THSD7A: variants seen among roughly 807,000 people sequenced by gnomAD.
THSD7A encodes the protein thrombospondin type 1 domain containing 7A.
In THSD7A, 96 loss-of-function variants were observed where a neutral mutation model predicts 231.3. The ratio of observed to expected loss-of-function variants is 0.41; its 90% CI spans 0.35 to 0.49. The LOEUF (loss-of-function observed/expected upper bound fraction) is 0.49, where lower values mean the gene tolerates loss of function less well. Among genes scored for constraint, THSD7A ranks in the 20% least tolerant of loss-of-function variants. The pLI, the probability that THSD7A is intolerant of heterozygous loss-of-function variation, is 0.05. For synonymous variants in THSD7A, 940 were observed against 743.3 expected, an observed-to-expected ratio of 1.26 and a Z score of -4.30; for missense variants, 2,290 against 2,070.2, an observed-to-expected ratio of 1.11 and a Z score of -2.06.
intron 2 of THSD7A, among the ~76,000 whole-genome samples, chr7:11,620,004 C>T (rs963264494): frequency 1.3e-5 from 2 of 152,118 alleles, no homozygotes; most frequent in African/African-American, 2.4e-5. Context: ...ATCTAGTCTA[C>T]TTCTCTCAGA....
intron 1 of THSD7A, among the ~76,000 whole-genome samples, chr7:11,765,839 A>G (rs1783013802): frequency 6.6e-6 from 1 of 152,218 alleles, no homozygotes; most frequent in Non-Finnish European, 1.5e-5. Flanking sequence ...AATAAATCCA[A>G]TTTTCCTTAA....
intron 2 of THSD7A, among the ~76,000 whole-genome samples, chr7:11,606,244 T>C (rs766100488): frequency 5.9e-5 from 9 of 152,164 alleles, no homozygotes; most frequent in Admixed American, 3.9e-4. Context: ...AATTCTACTT[T>C]GAGTGGCATG....
chr7:11,824,312 A>T (rs1375268328), intron 1 of THSD7A, among the ~76,000 whole-genome samples: 1 of 152,074 alleles, frequency 6.6e-6, no homozygotes. Flanking sequence ...CTTCACAAAG[A>T]AACTCCACTA....
At chr7:11,567,185 G>T (rs1209335600) in intron 4 of THSD7A, among the ~76,000 whole-genome samples, 1 of 152,014 alleles carries the variant, frequency 6.6e-6, no homozygotes, top group Non-Finnish European at 1.5e-5. Context: ...AGGTTTAATT[G>T]ACTCACAGTT....
chr7:11,721,515 C>T (rs116743605), intron 1 of THSD7A, among the ~76,000 whole-genome samples: 1,612 of 144,098 alleles, frequency 0.011, 22 homozygotes, highest in African/African-American at 0.037. Flanking sequence ...ATACAGCCTA[C>T]GGAACTGTGA....
intron 2 of THSD7A, among the ~76,000 whole-genome samples, chr7:11,622,552 G>A (rs764917847): frequency 6.6e-6 from 1 of 152,180 alleles, no homozygotes; most frequent in South Asian, 2.1e-4. Flanking sequence ...TGATGCTGGT[G>A]TTATGTCATA....
intron 2 of THSD7A, among the ~76,000 whole-genome samples, chr7:11,605,111 G>T (rs1342183046): frequency 1.3e-5 from 2 of 151,936 alleles, no homozygotes; most frequent in African/African-American, 4.8e-5. Flanking sequence ...TGTAAATCAT[G>T]TTTGAAAATG....
At chr7:11,652,336 T>G (rs1237837721) in intron 1 of THSD7A, among the ~76,000 whole-genome samples, 1 of 151,928 alleles carries the variant, frequency 6.6e-6, no homozygotes, top group Non-Finnish European at 1.5e-5. Context: ...AAGAATAAAT[T>G]TGGTTTTTGA....
chr7:11,684,281 T>C (rs1779946789), intron 1 of THSD7A, among the ~76,000 whole-genome samples: 1 of 151,746 alleles, frequency 6.6e-6, no homozygotes. Context: ...AATACCATAC[T>C]GAACAGGCAA....
intron 2 of THSD7A, 151 bp downstream of exon 2, chr7:11,635,979 C>G (rs1766947689): frequency 1.6e-6 from 1 of 643,834 alleles, no homozygotes; most frequent in South Asian, 2.7e-5. Context: ...CCGAGAAACT[C>G]ACACAAGCTC....
At chr7:11,593,144 A>T in intron 3 of THSD7A, 110 bp downstream of exon 3, 3 of 1,406,976 alleles carry the variant, frequency 2.1e-6, no homozygotes, top group Non-Finnish European at 2.8e-6. Context: ...GTTTGTAAAG[A>T]TATTTTTTAT....
At chr7:11,618,068 T>C (rs1781170054) in intron 2 of THSD7A, among the ~76,000 whole-genome samples, 1 of 152,228 alleles carries the variant, frequency 6.6e-6, no homozygotes, top group African/African-American at 2.4e-5. Flanking sequence ...TTTGACCCAG[T>C]AATTCCCACA....
At chr7:11,610,252 G>C (rs1171633917) in intron 2 of THSD7A, among the ~76,000 whole-genome samples, 1 of 152,044 alleles carries the variant, frequency 6.6e-6, no homozygotes, top group Non-Finnish European at 1.5e-5. Flanking sequence ...ATTTTTGCAT[G>C]TGTAATGCTA....
chr7:11,524,360 C>A (rs1488273293), intron 6 of THSD7A, among the ~76,000 whole-genome samples: 2 of 152,108 alleles, frequency 1.3e-5, no homozygotes, highest in African/African-American at 4.8e-5. Context: ...GCTAGTACAA[C>A]AGAGCTTGGT....
At chr7:11,709,127 C>T (rs1780864886) in intron 1 of THSD7A, among the ~76,000 whole-genome samples, 1 of 150,780 alleles carries the variant, frequency 6.6e-6, no homozygotes, top group African/African-American at 2.4e-5. Flanking sequence ...AAGCTATGAA[C>T]AAGACAAGGC....
intron 6 of THSD7A, among the ~76,000 whole-genome samples, chr7:11,482,516 A>G (rs1176867273): frequency 3.3e-5 from 5 of 152,216 alleles, no homozygotes; most frequent in African/African-American, 1.2e-4. Flanking sequence ...GTTAGTTGGA[A>G]ATAGACAGGA....
In THSD7A at chr7:11,590,426, A is replaced by G. The variant is rs1324325041; in HGVS notation, c.1453+34T>C. ...GCAATCACATGCTCAGTCAGTCTTC[A>G]TAAGTGAATCCTTGAGAAGAAAGCA... On this transcript the variant is annotated intron_variant, in intron 4 of 27. Transcript: ENST00000423059. The surrounding 1 kb of genome is among the most constrained non-coding windows in gnomAD (Gnocchi z 4.4). 1.3e-6 allele frequency: 2 copies of G among 1,584,924 alleles called. No individual in the cohort carries two copies. The highest frequency in any genetic ancestry group is 1.7e-6 in the Non-Finnish European group (2 of 1,164,700).
intron 1 of THSD7A, among the ~76,000 whole-genome samples, chr7:11,712,404 C>A (rs1263456682): frequency 1.3e-5 from 2 of 151,018 alleles, no homozygotes; most frequent in Non-Finnish European, 3.0e-5. Flanking sequence ...TCTCTTATCA[C>A]AGAAACTGCC....
At chr7:11,552,689 G>T (rs533658734) in intron 4 of THSD7A, among the ~76,000 whole-genome samples, 8 of 152,200 alleles carry the variant, frequency 5.3e-5, no homozygotes, top group African/African-American at 1.9e-4. Context: ...GCTGGTAGTT[G>T]TGCCAATCAT....
Sources: allele counts gnomAD v4.1 joint callset (sites outside exome capture counted in the v4.1 genomes callset), GRCh38; gene constraint gnomAD v4.1.1; non-coding constraint Gnocchi (gnomAD v3.1); transcripts MANE v1.5; gene names NCBI Gene and HGNC (gene_info 2026-07-23, HGNC 2026-07-21).